SMAP1: variants seen among roughly 807,000 people sequenced by gnomAD.
SMAP1 encodes stromal membrane-associated protein 1.
Under a neutral mutation model 58.5 loss-of-function variants are expected in SMAP1, and 24 were observed. The ratio of observed to expected loss-of-function variants is 0.41; its 90% CI spans 0.30 to 0.58. SMAP1 has a LOEUF of 0.58. Among genes scored for constraint, SMAP1 ranks in the 20% least tolerant of loss-of-function variants. The pLI is 0.29. For missense variants in SMAP1, 563 were observed against 566.3 expected, an observed-to-expected ratio of 0.99 and a Z score of 0.06; for synonymous variants, 216 against 196.6, an observed-to-expected ratio of 1.10 and a Z score of -0.82.
Position 70,860,929 on chromosome 6 carries a change from A to C in SMAP1, c.*595A>C, listed in dbSNP as rs1226801300. On this transcript the variant is annotated 3_prime_UTR_variant, in exon 11 of 11. Transcript: ENST00000370455. ...CAAAACTTCGTTTAATGAATGCTTA[A>C]AGAATTCAAATTTTATCTGCCTCTC... 7.9e-6 allele frequency: 3 copies of C among 377,582 alleles called. No individual in the cohort carries two copies. The highest frequency in any genetic ancestry group is 2.1e-5 in the African/African-American group (1 of 48,178). 23.4% of individuals were successfully genotyped at this position (377,582 alleles called of 1,614,324 possible). A position where few individuals can be genotyped will look rare whatever the true frequency, so the allele number is the denominator to read the frequency against.
intron 6 of SMAP1, among the ~76,000 whole-genome samples, chr6:70,827,827 A>G (rs1281632692): frequency 6.6e-6 from 1 of 152,236 alleles, no homozygotes; most frequent in Non-Finnish European, 1.5e-5. Context: ...TTACTGAAAG[A>G]TGTCCATATG....
At chr6:70,812,973 G>T in intron 6 of SMAP1, among the ~76,000 whole-genome samples, 1 of 151,308 alleles carries the variant, frequency 6.6e-6, no homozygotes. Flanking sequence ...TTTTTTAGCA[G>T]TTTTCCCTTA....
chr6:70,710,338 A>G (rs931851061), intron 1 of SMAP1, among the ~76,000 whole-genome samples: 5 of 151,880 alleles, frequency 3.3e-5, no homozygotes, highest in Admixed American at 6.6e-5. Context: ...TAAAAATACA[A>G]AAATTAGCTG....
chr6:70,816,847 G>A lies in SMAP1; in HGVS notation c.576+18110G>A, dbSNP rs993916450. On this transcript the variant is annotated intron_variant, in intron 6 of 10. Transcript: ENST00000370455. ...GAAGATTTTTTAAAACTAATGATTA[G>A]GCGTTAAACTTTATAGCATTTAAAG... Among the ~76,000 whole-genome samples, 7 of 152,046 alleles carry A rather than the reference G, an allele frequency of 4.6e-5. No individual in the cohort carries two copies. The South Asian group carries it at 8.3e-4, about 18-fold the overall frequency.
chr6:70,801,110 T>C (rs1385244076), intron 6 of SMAP1, among the ~76,000 whole-genome samples: 1 of 152,220 alleles, frequency 6.6e-6, no homozygotes, highest in African/African-American at 2.4e-5. Flanking sequence ...TCCACAATAG[T>C]TGAACTAATT....
intron 4 of SMAP1, among the ~76,000 whole-genome samples, chr6:70,777,646 C>G (rs1767600502): frequency 6.6e-6 from 1 of 151,978 alleles, no homozygotes; most frequent in South Asian, 2.1e-4. Context: ...GGTTTTGTTG[C>G]CTGTGCTTTT....
At chr6:70,677,432 CTTTTTTTTTT>C (rs58133069) in intron 1 of SMAP1, among the ~76,000 whole-genome samples, 2 of 60,376 alleles carry the variant, frequency 3.3e-5, no homozygotes, top group East Asian at 6.6e-4. Context: ...CTTGTCACTT[CTTTTTTTTTT>C]TTTTTTTTTT....
Position 70,852,671 on chromosome 6 carries a change from G to A in SMAP1, c.789+7G>A. On this transcript the variant is annotated splice_region_variant and intron_variant, in intron 8 of 10. Transcript: ENST00000370455. ...TGTCATGCCCCCAGCTCAGGTATGTGATAAGAATATGGTTTTATATGGTCA... is the reference window on the plus strand; with the variant it reads ...TGTCATGCCCCCAGCTCAGGTATGTAATAAGAATATGGTTTTATATGGTCA... 2 of 1,583,320 alleles carry A rather than the reference G, an allele frequency of 1.3e-6. No individual in the cohort carries two copies. Among genetic ancestry groups the A allele is most frequent in the Non-Finnish European group, 1.7e-6 (2 of 1,167,916 alleles).
At chr6:70,857,545 A>G in intron 9 of SMAP1, 1 of 205,904 alleles carries the variant, frequency 4.9e-6, no homozygotes, top group Non-Finnish European at 9.8e-6. Context: ...CACTACACCT[A>G]TTGAAGCGAG....
At chr6:70,859,408 C>T (rs1489848180) in intron 10 of SMAP1, 36 of 1,546,606 alleles carry the variant, frequency 2.3e-5, no homozygotes, top group Non-Finnish European at 3.1e-5. Context: ...TTAAAATGTC[C>T]TTTAGTAGGT....
At chr6:70,707,907 C>G (rs1011442360) in intron 1 of SMAP1, among the ~76,000 whole-genome samples, 21 of 152,164 alleles carry the variant, frequency 1.4e-4, no homozygotes, top group Admixed American at 6.5e-4. Context: ...ATGATTTCTA[C>G]AGTCAAACAA....
chr6:70,842,816 C>T (rs1770851629), intron 7 of SMAP1, among the ~76,000 whole-genome samples: 1 of 152,140 alleles, frequency 6.6e-6, no homozygotes, highest in Admixed American at 6.5e-5. Context: ...GGAGGCTTGT[C>T]ACCTTATGGC....
chr6:70,698,822 G>A (rs1049530859), intron 1 of SMAP1, among the ~76,000 whole-genome samples: 6 of 152,034 alleles, frequency 3.9e-5, no homozygotes, highest in Non-Finnish European at 5.9e-5. Flanking sequence ...GTTGAGCTTC[G>A]TCAAAACAGC....
Position 70,765,966 on chromosome 6 carries a change from A to G in SMAP1, c.339-7384A>G, listed in dbSNP as rs376182863. On this transcript the variant is annotated intron_variant, in intron 3 of 10. Coordinates refer to ENST00000370455, the MANE Select transcript of SMAP1 (RefSeq NM_001044305.3). Reference sequence around the variant, plus strand: ...TGTGTCCATGTGTTCTCATTGTTCAATTCCCACCTATGAGTGAGAATATGC... The same window carrying G: ...TGTGTCCATGTGTTCTCATTGTTCAGTTCCCACCTATGAGTGAGAATATGC... Among the ~76,000 whole-genome samples, 69 of 141,374 alleles carry G rather than the reference A, an allele frequency of 4.9e-4. No homozygotes were observed. In the South Asian group the frequency reaches 7.7e-3, roughly 16 times the overall value. The allele number at this position is 141,374 out of a possible 152,430, so 92.7% of individuals were successfully genotyped here. A position where few individuals can be genotyped will look rare whatever the true frequency, so the allele number is the denominator to read the frequency against.
Position 70,808,343 on chromosome 6 carries a change from A to G in SMAP1, c.576+9606A>G, listed in dbSNP as rs150192764. Among the ~76,000 whole-genome samples the G allele has an allele frequency of 3.7e-3, 568 of 152,384 alleles. 5 individuals carry two copies. The highest frequency in any genetic ancestry group is 6.2e-3 in the Non-Finnish European group (423 of 68,040). On this transcript the variant is annotated intron_variant, in intron 6 of 10. Coordinates refer to ENST00000370455, the MANE Select transcript of SMAP1 (RefSeq NM_001044305.3). ...AACCAGATAGTAAATATTTTAAGCT[A>G]TAGACCTTAATGTGTCTTTCACAAC...
intron 3 of SMAP1, among the ~76,000 whole-genome samples, chr6:70,771,098 G>A (rs914743723): frequency 5.9e-5 from 9 of 152,124 alleles, no homozygotes; most frequent in Non-Finnish European, 1.5e-5. Context: ...CTGCCTGATC[G>A]TTCCTCTGGA....
intron 6 of SMAP1, among the ~76,000 whole-genome samples, chr6:70,822,956 A>G (rs1050309429): frequency 1.3e-5 from 2 of 151,958 alleles, no homozygotes; most frequent in Non-Finnish European, 2.9e-5. Context: ...GCGTTCTTCA[A>G]TTCTGATCTC....
chr6:70,754,050 T>C (rs1288009647), intron 2 of SMAP1, among the ~76,000 whole-genome samples: 3 of 152,220 alleles, frequency 2.0e-5, no homozygotes, highest in East Asian at 3.9e-4. Context: ...AGGTAACCTG[T>C]TAAATCTGGA....
At chr6:70,671,120 C>G (rs1315721487) in intron 1 of SMAP1, among the ~76,000 whole-genome samples, 2 of 151,908 alleles carry the variant, frequency 1.3e-5, no homozygotes, top group Non-Finnish European at 2.9e-5. Context: ...AATGCCTTGC[C>G]AGCTTCAAGT....
Sources: allele counts gnomAD v4.1 joint callset (sites outside exome capture counted in the v4.1 genomes callset), GRCh38; gene constraint gnomAD v4.1.1; transcripts MANE v1.5; gene names NCBI Gene and HGNC (gene_info 2026-07-23, HGNC 2026-07-21).